OTUD4: variants seen among roughly 807,000 people sequenced by gnomAD.
The protein encoded by OTUD4 is OTU domain-containing protein 4.
OTUD4 carries 24 observed loss-of-function variants against 130.4 expected under a neutral mutation model. That is an observed-to-expected ratio of 0.18 (90% CI 0.13 to 0.26). The LOEUF (loss-of-function observed/expected upper bound fraction) is 0.26, where lower values mean the gene tolerates loss of function less well. Among genes scored for constraint, OTUD4 ranks in the 10% least tolerant of loss-of-function variants. The pLI, the probability that OTUD4 is intolerant of heterozygous loss-of-function variation, is 1.00. For missense variants in OTUD4, 1,031 were observed against 1,329.4 expected, an observed-to-expected ratio of 0.78 and a Z score of 3.49; for synonymous variants, 420 against 472.5, an observed-to-expected ratio of 0.89 and a Z score of 1.44.
chr4:145,163,211 G>A (rs184217535), intron 5 of OTUD4, among the ~76,000 whole-genome samples: 3 of 152,188 alleles, frequency 2.0e-5, no homozygotes, highest in African/African-American at 4.8e-5. Flanking sequence ...AGATCCCTTA[G>A]AAAGTCCCAG....
intron 10 of OTUD4, among the ~76,000 whole-genome samples, chr4:145,154,935 C>G (rs1278821220): frequency 1.3e-5 from 2 of 152,190 alleles, no homozygotes; most frequent in Non-Finnish European, 2.9e-5. Flanking sequence ...CTACTCAAAT[C>G]CAGGGCAGCT....
At chr4:145,143,910 A>G in intron 16 of OTUD4, 36 bp downstream of exon 16, 1 of 1,535,720 alleles carries the variant, frequency 6.5e-7, no homozygotes, top group South Asian at 1.1e-5. Flanking sequence ...GTATTAAGGA[A>G]AAAGAAAAGA....
chr4:145,160,600 G>A (rs1579271921), intron 6 of OTUD4, among the ~76,000 whole-genome samples: 1 of 152,166 alleles, frequency 6.6e-6, no homozygotes, highest in Non-Finnish European at 1.5e-5. Context: ...ATCACTGGAG[G>A]TCAGGAGTTC....
chr4:145,165,238 CTTTTTAGA>C (rs747160678), intron 3 of OTUD4, 41 bp from the exon 4 acceptor site: 1 of 1,353,294 alleles, frequency 7.4e-7, no homozygotes, highest in South Asian at 1.2e-5. Flanking sequence ...GTGTCTCACA[CTTTTTAGA>C]TTCCACTTTA....
At chr4:145,139,834 A>G in intron 20 of OTUD4, 117 bp downstream of exon 20, 1 of 429,726 alleles carries the variant, frequency 2.3e-6, no homozygotes. Context: ...GGTTTTTAAA[A>G]TGATGAGATT....
intron 5 of OTUD4, 22 bp downstream of exon 5, chr4:145,164,132 G>A (rs1177039287): frequency 8.7e-7 from 1 of 1,149,840 alleles, no homozygotes; most frequent in Non-Finnish European, 1.3e-6. Context: ...AAATACTTTA[G>A]AACACTTTGA....
chr4:145,147,175 A>G (rs1039202006), intron 13 of OTUD4, among the ~76,000 whole-genome samples: 1 of 152,186 alleles, frequency 6.6e-6, no homozygotes, highest in Non-Finnish European at 1.5e-5. Flanking sequence ...AAAATCTAAA[A>G]ACCTCTAAAA....
chr4:145,156,280 A>G (rs1045948016), intron 7 of OTUD4, among the ~76,000 whole-genome samples: 2 of 152,380 alleles, frequency 1.3e-5, no homozygotes, highest in East Asian at 1.9e-4. Flanking sequence ...TTGAATTTAC[A>G]AAAGAATGTA....
rs146130502 is a variant in OTUD4 at position 145,133,686 on chromosome 4, T to G, written c.*3744A>C. ...AATTTAATATATGCACACAGTTTTA[T>G]ATATAATGCAGCATCACACCATGTA... On this transcript the variant is annotated 3_prime_UTR_variant, in exon 21 of 21. Transcript: ENST00000447906. 3 of 152,762 alleles carry G rather than the reference T, an allele frequency of 2.0e-5. No individual in the cohort carries two copies. Among genetic ancestry groups the G allele is most frequent in the African/African-American group, 7.2e-5 (3 of 41,580 alleles). 9.5% of individuals were successfully genotyped at this position (152,762 alleles called of 1,614,324 possible).
At chr4:145,156,046 A>G (rs771647748) in intron 7 of OTUD4, 50 bp from the exon 8 acceptor site, 2 of 1,438,434 alleles carry the variant, frequency 1.4e-6, no homozygotes, top group South Asian at 1.2e-5. Flanking sequence ...ATTTGCACGT[A>G]ATTACCTTCT....
In OTUD4 at chr4:145,178,744, A is replaced by G. The variant is rs1393852475; in HGVS notation, c.159+1071T>C. On this transcript the variant is annotated intron_variant, in intron 1 of 20. Transcript: ENST00000447906. ...ATGGCTTGCCTTTCAATGTTTAAAA[A>G]TGAGAACAGACTGGCCTCCACATGT... 3.3e-5 allele frequency among the ~76,000 whole-genome samples: 5 copies of G among 152,258 alleles called. No homozygotes were observed. The East Asian group carries it at 9.6e-4, about 29-fold the overall frequency.
intron 7 of OTUD4, among the ~76,000 whole-genome samples, chr4:145,158,512 C>CA (rs74576967): frequency 0.02 from 2,820 of 141,870 alleles, 32 homozygotes; most frequent in Non-Finnish European, 0.021. Flanking sequence ...CAAAAAAAAA[C>CA]AAAAAAAAAA....
At chr4:145,160,529 G>A (rs1188769480) in intron 6 of OTUD4, among the ~76,000 whole-genome samples, 1 of 152,138 alleles carries the variant, frequency 6.6e-6, no homozygotes, top group Admixed American at 6.5e-5. Context: ...CATCAACAAT[G>A]GGGCCAGGTG....
At chr4:145,150,174 G>C (rs966912215) in intron 13 of OTUD4, among the ~76,000 whole-genome samples, 3 of 152,118 alleles carry the variant, frequency 2.0e-5, no homozygotes, top group Non-Finnish European at 4.4e-5. Context: ...CACCTCCCAA[G>C]GAAATAGGAA....
Position 145,136,476 on chromosome 4 carries a change from G to GGGGGGGGGGGGGA in OTUD4, c.*953_*954insTCCCCCCCCCCCC, listed in dbSNP as rs3063572. ...CAACCAATGGTGCGGGGGGGGGGGG[G>GGGGGGGGGGGGGA]AGGAAGAAAACAACTCTAGAAACCT... On this transcript the variant is annotated 3_prime_UTR_variant, in exon 21 of 21. Coordinates refer to ENST00000447906, the MANE Select transcript of OTUD4 (RefSeq NM_001366057.1). 2.2e-5 allele frequency: 1 copy of GGGGGGGGGGGGGA among 46,482 alleles called. No individual in the cohort carries two copies. Among genetic ancestry groups the GGGGGGGGGGGGGA allele is most frequent in the Non-Finnish European group, 4.5e-5 (1 of 22,442 alleles). The allele number at this position is 46,482 out of a possible 1,614,324, so 2.9% of individuals were successfully genotyped here.
chr4:145,155,981 A>G lies in OTUD4; in HGVS notation c.645T>C (p.Ala215=), dbSNP rs778435934. ...EDDSCKSKTA[A]AAADVNGFKP... is the part of the protein sequence containing the mutation. ...TAAATCCATTCACATCAGCAGCAGC[A>G]GCAGCAGTCTTACTCCTACAAAGAA... The change falls in exon 8 of 21, where the codon GCT becomes GCC. Residue 215 remains alanine (A), a synonymous_variant. Transcript: ENST00000447906. 23 of 1,611,546 alleles carry G rather than the reference A, an allele frequency of 1.4e-5. No individual in the cohort carries two copies. The highest frequency in any genetic ancestry group is 2.0e-5 in the Non-Finnish European group (23 of 1,179,078).
chr4:145,179,466 G>C (rs972684508), intron 1 of OTUD4: 13 of 323,526 alleles, frequency 4.0e-5, no homozygotes, highest in Non-Finnish European at 6.4e-5. Flanking sequence ...CAAACGAAGG[G>C]AAGGAAGGTG....
chr4:145,176,022 C>T (rs905929619), intron 1 of OTUD4, among the ~76,000 whole-genome samples: 22 of 150,858 alleles, frequency 1.5e-4, no homozygotes, highest in Non-Finnish European at 3.1e-4. Context: ...CTGCCATGTC[C>T]GGCTAATTTT....
rs1307001005 is a variant in OTUD4, at chr4:145,135,626, G to T, written c.*1804C>A. 6.6e-6 allele frequency: 1 copy of T among 152,596 alleles called. No individual in the cohort carries two copies. Among genetic ancestry groups the T allele is most frequent in the African/African-American group, 2.4e-5 (1 of 41,450 alleles). The allele number at this position is 152,596 out of a possible 1,614,324, so 9.5% of individuals were successfully genotyped here. A position where few individuals can be genotyped will look rare whatever the true frequency, so the allele number is the denominator to read the frequency against. ...CAACAACTATTCTAGTTAAGAAGGT[G>T]ACAACAAATTCCTTTCAATAGGTTC... is the stretch of plus-strand genomic sequence containing the variant. On this transcript the variant is annotated 3_prime_UTR_variant, in exon 21 of 21. Transcript: ENST00000447906.
Sources: gnomAD v4.1 joint callset for allele counts (sites outside exome capture counted in the v4.1 genomes callset) on GRCh38, gnomAD v4.1.1 for gene constraint, MANE v1.5 for transcripts, NCBI Gene and HGNC (gene_info 2026-07-23, HGNC 2026-07-21) for gene names.